STK32B: variants seen among roughly 807,000 people sequenced by gnomAD.
The protein encoded by STK32B is serine/threonine kinase 32B, also known as serine/threonine-protein kinase 32B.
A neutral mutation model predicts 52.6 loss-of-function variants in STK32B; 43 were observed. The observed-to-expected ratio is 0.82, with a 90% confidence interval of 0.64 to 1.05. The LOEUF (loss-of-function observed/expected upper bound fraction) is 1.05. Among genes scored for constraint, STK32B ranks in the 50% least tolerant of loss-of-function variants. The pLI is 0.00. For synonymous variants in STK32B, 238 were observed against 204.3 expected (o/e 1.17, Z -1.41); for missense variants, 621 against 534.6 (o/e 1.16, Z -1.59).
intron 5 of STK32B, among the ~76,000 whole-genome samples, chr4:5,406,594 C>T (rs960340286): frequency 1.3e-5 from 2 of 152,136 alleles, no homozygotes; most frequent in African/African-American, 4.8e-5. Flanking sequence ...CAGCTCTTAC[C>T]CTCTGAACAC....
intron 4 of STK32B, among the ~76,000 whole-genome samples, chr4:5,375,085 G>A (rs1735499080): frequency 6.6e-6 from 1 of 152,152 alleles, no homozygotes; most frequent in Admixed American, 6.5e-5. Flanking sequence ...GCGCCTGTAA[G>A]TCCCCTCCCA....
chr4:5,154,279 G>C (rs539348137), intron 2 of STK32B, among the ~76,000 whole-genome samples: 27 of 146,364 alleles, frequency 1.8e-4, no homozygotes, highest in African/African-American at 6.4e-4. Flanking sequence ...GCAATGGCAC[G>C]ATCTTGGCTC....
At chr4:5,417,798 A>G (rs1712285398) in intron 6 of STK32B, among the ~76,000 whole-genome samples, 1 of 152,174 alleles carries the variant, frequency 6.6e-6, no homozygotes, top group Admixed American at 6.5e-5. Flanking sequence ...TATTTCTCAC[A>G]ATTCTTTTGG....
chr4:5,378,076 A>G lies in STK32B; in HGVS notation c.435-20131A>G, dbSNP rs1173947504. ...ATGTTACTGAGATGTTAAAGACGTA[A>G]TAGTACCAAGTTGAGACATTCTTCC... On this transcript the variant is annotated intron_variant, in intron 4 of 11. Coordinates refer to ENST00000282908, the MANE Select transcript of STK32B (RefSeq NM_018401.3). This position sits in a 1 kb window ranked among gnomAD's most constrained non-coding sequence, Gnocchi z 4.4. 6.6e-6 allele frequency among the ~76,000 whole-genome samples: 1 copy of G among 152,228 alleles called. No individual in the cohort carries two copies. The highest frequency in any genetic ancestry group is 1.5e-5 in the Non-Finnish European group (1 of 68,046).
intron 3 of STK32B, among the ~76,000 whole-genome samples, chr4:5,275,549 T>C (rs147269643): frequency 0.011 from 1,705 of 152,070 alleles, 13 homozygotes; most frequent in Non-Finnish European, 0.019. Context: ...CCCTTGAACC[T>C]TCTGTGAATC....
At chr4:5,142,352 T>G (rs1029772768) in intron 2 of STK32B, among the ~76,000 whole-genome samples, 1 of 152,224 alleles carries the variant, frequency 6.6e-6, no homozygotes, top group Non-Finnish European at 1.5e-5. Context: ...ACAGAAACCT[T>G]TCTAAACACG....
rs377668671 is a variant in STK32B at position 5,125,870 on chromosome 4, G to A, written c.53-14035G>A. ...CCTCTCCCACAGACCCCCACGAAGG[G>A]GCTGCCTCTTATTCCCATCTAGGAG... On this transcript the variant is annotated intron_variant, in intron 1 of 11. Coordinates refer to ENST00000282908, the MANE Select transcript of STK32B (RefSeq NM_018401.3). Among the ~76,000 whole-genome samples the A allele has an allele frequency of 4.6e-5, 7 of 152,232 alleles. No individual in the cohort carries two copies. The South Asian group carries it at 6.2e-4, about 14-fold the overall frequency.
At chr4:5,343,115 A>G (rs1159228228) in intron 4 of STK32B, among the ~76,000 whole-genome samples, 1 of 83,856 alleles carries the variant, frequency 1.2e-5, no homozygotes, top group African/African-American at 4.2e-5. Context: ...CCACCCCACA[A>G]CAGGCACCAG....
chr4:5,044,108 G>A, the STK32B span, among the ~76,000 whole-genome samples: 4 of 151,958 alleles, frequency 2.6e-5, no homozygotes, highest in Admixed American at 1.3e-4. Context: ...GTATTCCTTC[G>A]CCAAAGGCAG....
At chr4:5,461,405 C>A (rs1468438329) in intron 9 of STK32B, among the ~76,000 whole-genome samples, 1 of 152,172 alleles carries the variant, frequency 6.6e-6, no homozygotes, top group Non-Finnish European at 1.5e-5. Context: ...TTAAAGACTT[C>A]CGTCACTCCT....
chr4:5,291,431 G>A (rs906278659), intron 3 of STK32B, among the ~76,000 whole-genome samples: 34 of 152,016 alleles, frequency 2.2e-4, no homozygotes, highest in Admixed American at 7.9e-4. Context: ...AAATAAAATT[G>A]TTTTCTGTAT....
intron 1 of STK32B, among the ~76,000 whole-genome samples, chr4:5,098,022 A>T (rs1440506760): frequency 6.6e-6 from 1 of 152,138 alleles, no homozygotes; most frequent in Non-Finnish European, 1.5e-5. Context: ...GTTCCACGTG[A>T]TCTCTTACCT....
In STK32B at chr4:5,479,158, C is replaced by T. The variant is rs190057077; in HGVS notation, c.1106+11088C>T. 3.8e-4 allele frequency among the ~76,000 whole-genome samples: 54 copies of T among 142,700 alleles called. No individual in the cohort carries two copies. The East Asian group carries it at 0.01, about 27-fold the overall frequency. 93.6% of individuals were successfully genotyped at this position (142,700 alleles called of 152,430 possible). On this transcript the variant is annotated intron_variant, in intron 11 of 11. Coordinates refer to ENST00000282908, the MANE Select transcript of STK32B (RefSeq NM_018401.3). Reference sequence around the variant, plus strand: ...TTTTTTAGATGGAGTCCTGTTCTGTCACCCAGGCTGGAGTGAAGTGGCATG... The same window carrying T: ...TTTTTTAGATGGAGTCCTGTTCTGTTACCCAGGCTGGAGTGAAGTGGCATG...
At chr4:5,371,002 ATATATATATG>A (rs1012001648) in intron 4 of STK32B, among the ~76,000 whole-genome samples, 21 of 118,424 alleles carry the variant, frequency 1.8e-4, no homozygotes, top group African/African-American at 6.5e-4. Context: ...GTGTGTATAT[ATATATATATG>A]TATATATATG....
At chr4:5,305,835 A>G (rs1577319602) in intron 3 of STK32B, among the ~76,000 whole-genome samples, 1 of 152,070 alleles carries the variant, frequency 6.6e-6, no homozygotes, top group South Asian at 2.1e-4. Context: ...TGATGTAGGC[A>G]TTTAATGCTA....
chr4:5,318,507 G>C (rs940604723), intron 3 of STK32B, among the ~76,000 whole-genome samples: 1 of 152,130 alleles, frequency 6.6e-6, no homozygotes. Context: ...AATGAAATTG[G>C]AGAGTCCTGA....
intron 3 of STK32B, among the ~76,000 whole-genome samples, chr4:5,313,841 A>T (rs11732903): frequency 0.12 from 17,746 of 152,172 alleles, 2,616 homozygotes; most frequent in African/African-American, 0.35. Context: ...ATTTACAGTC[A>T]TTCCATAGAT....
intron 1 of STK32B, among the ~76,000 whole-genome samples, chr4:5,106,724 A>C (rs1014233109): frequency 1.3e-5 from 2 of 152,102 alleles, no homozygotes; most frequent in Admixed American, 1.3e-4. Flanking sequence ...AATCTATAAT[A>C]GTTGTCTCTC....
rs1230271774 is a variant in STK32B at position 5,453,737 on chromosome 4, C to G, written c.667-3070C>G. On this transcript the variant is annotated intron_variant, in intron 7 of 11. Coordinates refer to ENST00000282908, the MANE Select transcript of STK32B (RefSeq NM_018401.3). The surrounding 1 kb of genome is among the most constrained non-coding windows in gnomAD (Gnocchi z 4.0). Reference sequence around the variant, plus strand: ...TGGCCAACATGGTAAAACCCGGTCTCTACTAAAAATAAAAAAGATTAGTGG... The same window carrying G: ...TGGCCAACATGGTAAAACCCGGTCTGTACTAAAAATAAAAAAGATTAGTGG... Among the ~76,000 whole-genome samples the G allele has an allele frequency of 1.3e-5, 2 of 151,780 alleles. No homozygotes were observed. Among genetic ancestry groups the G allele is most frequent in the Non-Finnish European group, 2.9e-5 (2 of 68,020 alleles).
Sources: gnomAD v4.1 joint callset for allele counts (sites outside exome capture counted in the v4.1 genomes callset) on GRCh38, gnomAD v4.1.1 for gene constraint, Gnocchi (gnomAD v3.1) non-coding constraint, MANE v1.5 for transcripts, NCBI Gene and HGNC (gene_info 2026-07-23, HGNC 2026-07-21) for gene names.